The following AKAP13 variants were observed in gnomAD, a reference collection of about 807,000 sequenced individuals.
AKAP13 encodes the protein A-kinase anchor protein 13.
AKAP13 carries 80 observed loss-of-function variants against 264.5 expected under a neutral mutation model. The ratio of observed to expected loss-of-function variants is 0.30; its 90% CI spans 0.25 to 0.36. The LOEUF is 0.36. AKAP13 is among the 10% of genes least tolerant of loss of function. The pLI is 1.00. For missense variants in AKAP13, 3,712 were observed against 3,435.2 expected, an observed-to-expected ratio of 1.08 and a Z score of -2.01; for synonymous variants, 1,380 against 1,250.2, an observed-to-expected ratio of 1.10 and a Z score of -2.19.
At chr15:85,430,734 C>G (rs1197512870) in intron 1 of AKAP13, among the ~76,000 whole-genome samples, 1 of 152,146 alleles carries the variant, frequency 6.6e-6, no homozygotes, top group African/African-American at 2.4e-5. Flanking sequence ...TGAATACCTA[C>G]CATATACGGG....
At chr15:85,390,517 T>G (rs949691932) in intron 1 of AKAP13, among the ~76,000 whole-genome samples, 1 of 152,108 alleles carries the variant, frequency 6.6e-6, no homozygotes, top group Non-Finnish European at 1.5e-5. Flanking sequence ...AGAGACCAGA[T>G]CAAATAGGCT....
At chr15:85,423,943 G>A (rs1955009325) in intron 1 of AKAP13, among the ~76,000 whole-genome samples, 1 of 152,206 alleles carries the variant, frequency 6.6e-6, no homozygotes, top group Admixed American at 6.5e-5. Context: ...TTGTGAGTGA[G>A]CAGGAGTCTT....
chr15:85,574,623 A>G (rs543294429), intron 5 of AKAP13, among the ~76,000 whole-genome samples: 4 of 152,246 alleles, frequency 2.6e-5, no homozygotes, highest in Non-Finnish European at 5.9e-5. Flanking sequence ...TCTTTGTGTA[A>G]TTGACTTCAA....
intron 1 of AKAP13, among the ~76,000 whole-genome samples, chr15:85,441,790 A>G (rs1271719923): frequency 6.6e-6 from 1 of 151,654 alleles, no homozygotes; most frequent in African/African-American, 2.4e-5. Context: ...GTTAAACTGT[A>G]TTACTGCAGT....
At chr15:85,409,964 A>C (rs527239672) in intron 1 of AKAP13, among the ~76,000 whole-genome samples, 57 of 151,754 alleles carry the variant, frequency 3.8e-4, no homozygotes, top group Non-Finnish European at 7.2e-4. Context: ...TGAACCTTAA[A>C]TTATAAGGGA....
intron 1 of AKAP13, among the ~76,000 whole-genome samples, chr15:85,411,846 G>A (rs2071986750): frequency 6.6e-6 from 1 of 152,176 alleles, no homozygotes; most frequent in Non-Finnish European, 1.5e-5. Flanking sequence ...TGAAAATAAA[G>A]CAAGCCTTTA....
chr15:85,657,520 C>T (rs1006915347), intron 11 of AKAP13, among the ~76,000 whole-genome samples: 7 of 152,146 alleles, frequency 4.6e-5, no homozygotes, highest in Non-Finnish European at 8.8e-5. Context: ...AGGTAGTTTG[C>T]ATCATTTATC....
At chr15:85,402,488 G>C (rs965703445) in intron 1 of AKAP13, among the ~76,000 whole-genome samples, 2 of 152,162 alleles carry the variant, frequency 1.3e-5, no homozygotes, top group Admixed American at 6.5e-5. Context: ...ATACAATGGG[G>C]GATCGTGGTA....
At position 85,747,732 on chromosome 15, in the gene AKAP13, C is replaced by T. The variant is rs2151798444; in HGVS notation, c.*3055C>T. The T allele has an allele frequency of 6.5e-6, 1 of 152,788 alleles. No individual in the cohort carries two copies. The highest frequency in any genetic ancestry group is 3.4e-3 in the Middle Eastern group (1 of 294). 9.5% of individuals were successfully genotyped at this position (152,788 alleles called of 1,614,324 possible). On this transcript the variant is annotated 3_prime_UTR_variant, in exon 37 of 37. Transcript: ENST00000394518. ...TTAAAAACATGCAAACTGCCACTTT[C>T]AACCTTTGCCAGTATTCCCTCTACC...
At chr15:85,710,495 C>T (rs2086579266) in intron 18 of AKAP13, 84 bp from the exon 19 acceptor site, 1 of 1,352,186 alleles carries the variant, frequency 7.4e-7, no homozygotes, top group Non-Finnish European at 1.0e-6. Flanking sequence ...GGAAAGGAAG[C>T]TGAACTGCTT....
intron 16 of AKAP13, chr15:85,685,490 CTGTG>C (rs34565043): frequency 4.5e-5 from 6 of 134,432 alleles, no homozygotes; most frequent in South Asian, 4.7e-4. Context: ...GTGTGTGTGT[CTGTG>C]TGTGTGTGTG....
At position 85,717,416 on chromosome 15, in the gene AKAP13, A is replaced by G. The variant is rs1311995671; in HGVS notation, c.5848+14A>G. 7.0e-6 allele frequency: 11 copies of G among 1,578,110 alleles called. No individual in the cohort carries two copies. The African/African-American group carries it at 1.4e-4, about 19-fold the overall frequency. ...TTACTGATGAGGGTAAGAGGAAGTT[A>G]TGGCCTTTATTTTATGCCTCTGTAG... On this transcript the variant is annotated intron_variant, in intron 21 of 36. Transcript: ENST00000394518.
intron 1 of AKAP13, among the ~76,000 whole-genome samples, chr15:85,395,977 T>A (rs1382546703): frequency 6.6e-6 from 1 of 152,028 alleles, no homozygotes; most frequent in Non-Finnish European, 1.5e-5. Flanking sequence ...TCAAGAAATA[T>A]ATGGGTTGAT....
rs192235730 is a variant in AKAP13, at chr15:85,703,754, A to T, written c.5465-4265A>T. Reference sequence around the variant, plus strand: ...GCTACTCAGGAGGCTGAGACAGCAGAATCACCTGAACCCAGGAGGCAGAGG... The same window carrying T: ...GCTACTCAGGAGGCTGAGACAGCAGTATCACCTGAACCCAGGAGGCAGAGG... On this transcript the variant is annotated intron_variant, in intron 17 of 36. Coordinates refer to ENST00000394518, the MANE Select transcript of AKAP13 (RefSeq NM_007200.5). Among the ~76,000 whole-genome samples, 198 of 152,062 alleles carry T rather than the reference A, an allele frequency of 1.3e-3. 1 individual carries two copies. Among genetic ancestry groups the T allele is most frequent in the Middle Eastern group, 0.01 (3 of 292 alleles).
At chr15:85,664,518 G>C (rs2083493611) in intron 12 of AKAP13, 45 bp from the exon 13 acceptor site, 1 of 1,540,742 alleles carries the variant, frequency 6.5e-7, no homozygotes, top group African/African-American at 1.4e-5. Flanking sequence ...CTTTGTTTTT[G>C]AGACCCAGAA....
chr15:85,658,451 C>A lies in AKAP13; in HGVS notation c.4746-86C>A, dbSNP rs957670412. 7.7e-5 allele frequency: 89 copies of A among 1,156,416 alleles called. No individual in the cohort carries two copies. In the Admixed American group the frequency reaches 1.5e-3, roughly 20 times the overall value. 71.6% of individuals were successfully genotyped at this position (1,156,416 alleles called of 1,614,324 possible). ...ATTTCTCTTTGAGCAGTGTCTCTCT[C>A]CCCAGTGTGGTGTCTGTATGTTTCA... On this transcript the variant is annotated intron_variant, in intron 11 of 36. Transcript: ENST00000394518.
intron 8 of AKAP13, among the ~76,000 whole-genome samples, chr15:85,598,444 G>C (rs556074357): frequency 6.6e-6 from 1 of 152,284 alleles, no homozygotes; most frequent in African/African-American, 2.4e-5. Context: ...CAGCGGGAGA[G>C]GCATGGAAAA....
intron 8 of AKAP13, among the ~76,000 whole-genome samples, chr15:85,591,697 T>C (rs2151332152): frequency 6.6e-6 from 1 of 152,254 alleles, no homozygotes; most frequent in Admixed American, 6.5e-5. Flanking sequence ...GTCCCAGTAC[T>C]GCAAACCAAT....
At chr15:85,449,638 T>G (rs552691364) in intron 1 of AKAP13, among the ~76,000 whole-genome samples, 1 of 152,328 alleles carries the variant, frequency 6.6e-6, no homozygotes, top group Admixed American at 6.5e-5. Context: ...TAAAGCGATG[T>G]TGAGTTTTAT....
Sources: gnomAD v4.1 joint callset for allele counts (sites outside exome capture counted in the v4.1 genomes callset) on GRCh38, gnomAD v4.1.1 for gene constraint, MANE v1.5 for transcripts, NCBI Gene and HGNC (gene_info 2026-07-23, HGNC 2026-07-21) for gene names.